Variants in GNAS observed in about 807,000 individuals in gnomAD.
GNAS encodes GNAS complex locus, also known as protein ALEX.
Under a neutral mutation model 54.5 loss-of-function variants are expected in GNAS, and 8 were observed. That is an observed-to-expected ratio of 0.15 (90% confidence interval 0.09 to 0.26). GNAS has a LOEUF of 0.26. Ranked by LOEUF, GNAS falls within the 10% of genes least tolerant of loss-of-function variation. The pLI is 1.00. For synonymous variants in GNAS, 204 were observed against 191.4 expected (o/e 1.07, Z -0.54); for missense variants, 170 against 529.8 (o/e 0.32, Z 6.67).
chr20:58,890,742 G>C (rs1372648194), upstream of GNAS: 2 of 152,186 alleles, frequency 1.3e-5, no homozygotes, highest in African/African-American at 4.8e-5. Flanking sequence ...CATCTAGTCA[G>C]ACCCCCCACC....
At chr20:58,870,462 A>G (rs954228034) in intron 1 of GNAS, among the ~76,000 whole-genome samples, 1 of 152,254 alleles carries the variant, frequency 6.6e-6, no homozygotes, top group African/African-American at 2.4e-5. Flanking sequence ...CCTCCCCACC[A>G]GAGGTCAGCA....
intron 2 of GNAS, among the ~76,000 whole-genome samples, chr20:58,897,240 C>G (rs575315920): frequency 5.6e-4 from 85 of 152,304 alleles, no homozygotes; most frequent in Non-Finnish European, 9.1e-4. Context: ...TCTTGACACA[C>G]CCCTCGATAA....
In GNAS at chr20:58,910,857, C is replaced by G. The variant is rs201115993; in HGVS notation, c.*28C>G. The G allele has an allele frequency of 6.7e-5, 107 of 1,602,198 alleles. No individual in the cohort carries two copies. The highest frequency in any genetic ancestry group is 9.1e-5 in the Non-Finnish European group (106 of 1,169,410). ...AGGGAACCCCCAAATTTAATTAAAG[C>G]CTTAAGCACAATTAATTAAAAGTGA... On this transcript the variant is annotated 3_prime_UTR_variant, in exon 13 of 13. Coordinates refer to ENST00000371085, the MANE Select transcript of GNAS (RefSeq NM_000516.7). This position sits in a 1 kb window ranked among gnomAD's most constrained non-coding sequence, Gnocchi z 5.8.
chr20:58,855,593 G>C (rs1258934976), intron 1 of GNAS: 2 of 717,488 alleles, frequency 2.8e-6, no homozygotes, highest in Non-Finnish European at 5.2e-6. Context: ...GGTCGTTTCC[G>C]GCTGGACAGG....
At chr20:58,896,526 A>G (rs923376782) in intron 2 of GNAS, among the ~76,000 whole-genome samples, 1 of 152,128 alleles carries the variant, frequency 6.6e-6, no homozygotes, top group African/African-American at 2.4e-5. Flanking sequence ...GGCATGGGGA[A>G]TGCAAACAGG....
intron 1 of GNAS, among the ~76,000 whole-genome samples, chr20:58,844,920 G>C (rs894703623): frequency 3.4e-4 from 51 of 152,198 alleles, no homozygotes; most frequent in African/African-American, 1.2e-3. Context: ...CTGCTTTACA[G>C]TTGGTTGCAA....
intron 1 of GNAS, among the ~76,000 whole-genome samples, chr20:58,882,672 C>CAG (rs1440932920): frequency 3.3e-5 from 5 of 152,192 alleles, no homozygotes; most frequent in Non-Finnish European, 1.5e-5. Context: ...TTCCAAGCTG[C>CAG]TACTGTTCAC....
Position 58,853,110 on chromosome 20 carries a change from A to G in GNAS, c.43+12224A>G. 2 of 1,423,032 alleles carry G rather than the reference A, an allele frequency of 1.4e-6. No individual in the cohort carries two copies. The highest frequency in any genetic ancestry group is 1.8e-6 in the Non-Finnish European group (2 of 1,094,536). 88.2% of individuals were successfully genotyped at this position (1,423,032 alleles called of 1,614,324 possible). On this transcript the variant is annotated intron_variant, in intron 1 of 12. Transcript: ENST00000306090. This position sits in a 1 kb window ranked among gnomAD's most constrained non-coding sequence, Gnocchi z 4.4. ...GTCTAGGGTTCCTTCCAGGCCTTGA[A>G]CCCCCCAACCTCACAAGGGTTGGAA...
intron 1 of GNAS, chr20:58,843,505 G>A (rs903719382): frequency 3.3e-5 from 5 of 152,180 alleles, no homozygotes; most frequent in African/African-American, 1.2e-4. Context: ...TGCTCAACTG[G>A]GGTTAGCATC....
intron 1 of GNAS, 145 bp downstream of exon 1, chr20:58,892,010 G>A (rs957010349): frequency 7.2e-5 from 57 of 792,390 alleles, no homozygotes; most frequent in Non-Finnish European, 8.7e-5. Flanking sequence ...TGGGGGGCGA[G>A]GCCGGAAGGG....
At chr20:58,904,812 G>A (rs1020672849) in intron 5 of GNAS, among the ~76,000 whole-genome samples, 1 of 152,112 alleles carries the variant, frequency 6.6e-6, no homozygotes, top group Non-Finnish European at 1.5e-5. Flanking sequence ...TGACTTTCTT[G>A]AAATATGATT....
intron 2 of GNAS, among the ~76,000 whole-genome samples, chr20:58,896,536 G>A (rs1159157515): frequency 6.6e-6 from 1 of 151,784 alleles, no homozygotes; most frequent in Non-Finnish European, 1.5e-5. Flanking sequence ...ATGCAAACAG[G>A]GAACATTCAA....
chr20:58,852,952 G>T, intron 1 of GNAS: 1 of 1,064,788 alleles, frequency 9.4e-7, no homozygotes, highest in South Asian at 3.7e-5. Context: ...GACTGGCCTG[G>T]AGCAAAAAGA....
intron 1 of GNAS, among the ~76,000 whole-genome samples, chr20:58,872,713 A>C (rs1371061822): frequency 6.6e-6 from 1 of 152,012 alleles, no homozygotes; most frequent in Non-Finnish European, 1.5e-5. Flanking sequence ...AGAGGAGAAC[A>C]GGGACAAGGT....
chr20:58,871,429 A>G (rs2087437329), intron 1 of GNAS, among the ~76,000 whole-genome samples: 2 of 152,228 alleles, frequency 1.3e-5, no homozygotes, highest in African/African-American at 4.8e-5. Flanking sequence ...AGCCTGACTA[A>G]CATGGAGAAA....
intron 1 of GNAS, 132 bp downstream of exon 1, chr20:58,891,997 C>A: frequency 1.3e-6 from 1 of 761,452 alleles, no homozygotes; most frequent in Non-Finnish European, 1.6e-6. Context: ...CGGGCTCTGT[C>A]TGTGGGGGGC....
intron 1 of GNAS, among the ~76,000 whole-genome samples, chr20:58,883,602 G>C (rs1196178196): frequency 2.0e-5 from 3 of 152,160 alleles, no homozygotes; most frequent in Non-Finnish European, 4.4e-5. Context: ...GTGCCATCTG[G>C]GCTCTGCTGT....
intron 3 of GNAS, among the ~76,000 whole-genome samples, chr20:58,900,622 C>A (rs2090523245): frequency 6.6e-6 from 1 of 152,204 alleles, no homozygotes. Flanking sequence ...AAAAGTACTT[C>A]CAGCCTTAGT....
rs2086296347 is a variant in GNAS, at chr20:58,853,934, T to A, written c.43+13048T>A. 1 of 1,611,596 alleles carries A rather than the reference T, an allele frequency of 6.2e-7. No homozygotes were observed. The highest frequency in any genetic ancestry group is 2.2e-5 in the East Asian group (1 of 44,822). On this transcript the variant is annotated intron_variant, in intron 1 of 12. Coordinates refer to the GNAS transcript ENST00000306090. This position sits in a 1 kb window ranked among gnomAD's most constrained non-coding sequence, Gnocchi z 4.4. ...GCTACAGCCCTCCCCCTGAGGAGAC[T>A]ATGCCATTTGAGCTTGATGGAGAAG...
Sources: gnomAD v4.1 joint callset for allele counts (sites outside exome capture counted in the v4.1 genomes callset) on GRCh38, gnomAD v4.1.1 for gene constraint, Gnocchi (gnomAD v3.1) non-coding constraint, MANE v1.5 for transcripts, NCBI Gene and HGNC (gene_info 2026-07-23, HGNC 2026-07-21) for gene names.